Variants in SEPTIN9 observed in about 807,000 individuals in gnomAD.
SEPTIN9 encodes the protein septin-9.
A neutral mutation model predicts 56.6 loss-of-function variants in SEPTIN9; 13 were observed. That is an observed-to-expected ratio of 0.23 (90% CI 0.15 to 0.37). The LOEUF is 0.37. Among genes scored for constraint, SEPTIN9 ranks in the 10% least tolerant of loss-of-function variants. SEPTIN9 has a pLI of 1.00. For synonymous variants in SEPTIN9, 332 were observed against 334.1 expected (o/e 0.99, Z 0.07); for missense variants, 650 against 823.1 (o/e 0.79, Z 2.57).
At chr17:77,442,541 C>G (rs958756249) in intron 3 of SEPTIN9, among the ~76,000 whole-genome samples, 7 of 150,306 alleles carry the variant, frequency 4.7e-5, no homozygotes, top group Non-Finnish European at 8.9e-5. Context: ...ACTTAGGGCC[C>G]GTATACTATC....
chr17:77,431,854 A>G (rs1466115596), intron 3 of SEPTIN9, among the ~76,000 whole-genome samples: 1 of 150,026 alleles, frequency 6.7e-6, no homozygotes, highest in Admixed American at 6.6e-5. Flanking sequence ...AAAAAAAAAA[A>G]GTTGCCACGT....
intron 2 of SEPTIN9, among the ~76,000 whole-genome samples, chr17:77,334,581 T>G (rs768551092): frequency 6.6e-6 from 1 of 152,122 alleles, no homozygotes; most frequent in East Asian, 1.9e-4. Flanking sequence ...GTATTTTGTT[T>G]TCATAAAGTC....
At chr17:77,305,401 G>A (rs557575055) in intron 1 of SEPTIN9, among the ~76,000 whole-genome samples, 6 of 152,194 alleles carry the variant, frequency 3.9e-5, no homozygotes, top group African/African-American at 1.4e-4. Context: ...ACAGCCTGCC[G>A]TCAGACCCTC....
chr17:77,307,164 C>A lies in SEPTIN9; in HGVS notation c.43C>A (p.Arg15=). 6.2e-7 allele frequency: 1 copy of A among 1,613,914 alleles called. No individual in the cohort carries two copies. Among genetic ancestry groups the A allele is most frequent in the Non-Finnish European group, 8.5e-7 (1 of 1,179,862 alleles). Residue 15 remains arginine (R), a synonymous_variant, in exon 2 of 12, where the codon CGG becomes AGG. Transcript: ENST00000427177. The part of the protein sequence containing the change: ...YSGGTRTSSG[R]LRRLGDSSGP... ...AGGAGGCACGCGGACCTCCAGTGGC[C>A]GGCTCCGGAGGCTTGGTGACTCCAG...
At chr17:77,486,743 C>G (rs541656509) in intron 4 of SEPTIN9, among the ~76,000 whole-genome samples, 1 of 152,236 alleles carries the variant, frequency 6.6e-6, no homozygotes, top group Admixed American at 6.5e-5. Context: ...TCTCAGTCAC[C>G]TGTGGACTGG....
rs1197204930 is a variant in SEPTIN9 at position 77,406,176 on chromosome 17, T to C, written c.721+3473T>C. ...TCTTCCCGTGCTGAGCCTTCTCTGC[T>C]CACTCACCATAGGCCCCTCCACGGT... On this transcript the variant is annotated intron_variant, in intron 3 of 11. Coordinates refer to ENST00000427177, the MANE Select transcript of SEPTIN9 (RefSeq NM_001113491.2). 2.0e-5 allele frequency among the ~76,000 whole-genome samples: 3 copies of C among 152,244 alleles called. No individual in the cohort carries two copies. The East Asian group carries it at 5.8e-4, about 29-fold the overall frequency.
intron 1 of SEPTIN9, among the ~76,000 whole-genome samples, chr17:77,293,424 A>C (rs1233728124): frequency 1.3e-5 from 2 of 152,172 alleles, no homozygotes; most frequent in Non-Finnish European, 2.9e-5. Flanking sequence ...GGCCTCCCAA[A>C]GTGCTGGGAT....
At chr17:77,337,193 C>T (rs2033583487) in intron 2 of SEPTIN9, among the ~76,000 whole-genome samples, 1 of 151,822 alleles carries the variant, frequency 6.6e-6, no homozygotes, top group South Asian at 2.1e-4. Flanking sequence ...ATTTTTTGTA[C>T]AGATGGGGTC....
intron 1 of SEPTIN9, among the ~76,000 whole-genome samples, chr17:77,306,037 GTGGATGGGTGGA>G: frequency 6.7e-6 from 1 of 148,702 alleles, no homozygotes; most frequent in Non-Finnish European, 1.5e-5. Flanking sequence ...GGTGGGTTGG[GTGGATGGGTGGA>G]TGGATGTGTG....
intron 1 of SEPTIN9, among the ~76,000 whole-genome samples, chr17:77,300,147 G>A (rs1456021040): frequency 6.6e-6 from 1 of 152,116 alleles, no homozygotes; most frequent in African/African-American, 2.4e-5. Flanking sequence ...ACCCAGGTTG[G>A]AGTGCAGTGG....
rs2039482775 is a variant in SEPTIN9, at chr17:77,482,186, C to A, written c.764C>A (p.Thr255Asn). ...AGCTGCGTTGGCGACATGGCCGACACCCCCAGAGATGCCGGGCTCAAGCAG... is the reference window on the plus strand; with the variant it reads ...AGCTGCGTTGGCGACATGGCCGACAACCCCAGAGATGCCGGGCTCAAGCAG... ...APSCVGDMAD[T>N]PRDAGLKQAP... Residue 255 changes from threonine (T) to asparagine (N), a missense_variant, in exon 4 of 12, where the codon ACC becomes AAC. By Grantham distance (65) the Thr-to-Asn change is moderately conservative. Around this residue, in one of 2 missense-constraint regions of SEPTIN9, gnomAD observed 333 missense variants for 494.0 expected, o/e 0.67. Transcript: ENST00000427177. 1.2e-6 allele frequency: 2 copies of A among 1,606,920 alleles called. No homozygotes were observed. The highest frequency in any genetic ancestry group is 2.7e-5 in the African/African-American group (2 of 74,834).
In SEPTIN9 at chr17:77,326,113, G is replaced by C. The variant is rs2033130510; in HGVS notation, c.76+18916G>C. Among the ~76,000 whole-genome samples the C allele has an allele frequency of 6.6e-6, 1 of 151,512 alleles. No individual in the cohort carries two copies. Among genetic ancestry groups the C allele is most frequent in the South Asian group, 2.1e-4 (1 of 4,802 alleles). ...CCCCGCCTCCTACCCCTTCTTCCAA[G>C]GGGTCATCTCTGCTTCCCTCCCCAC... On this transcript the variant is annotated intron_variant, in intron 2 of 11. Coordinates refer to ENST00000427177, the MANE Select transcript of SEPTIN9 (RefSeq NM_001113491.2). The surrounding 1 kb of genome is among the most constrained non-coding windows in gnomAD (Gnocchi z 5.1).
In SEPTIN9 at chr17:77,405,178, C is replaced by T. The variant is rs1028748026; in HGVS notation, c.721+2475C>T. On this transcript the variant is annotated intron_variant, in intron 3 of 11. Coordinates refer to ENST00000427177, the MANE Select transcript of SEPTIN9 (RefSeq NM_001113491.2). The surrounding 1 kb of genome is among the most constrained non-coding windows in gnomAD (Gnocchi z 5.8). ...CCATGGGGATGTACAAGAACATTCT[C>T]CTCCAGGGGCAGACACAGTTTAGCC... 9 of 1,495,406 alleles carry T rather than the reference C, an allele frequency of 6.0e-6. No individual in the cohort carries two copies. The Admixed American group carries it at 1.4e-4, about 23-fold the overall frequency. 92.6% of individuals were successfully genotyped at this position (1,495,406 alleles called of 1,614,324 possible). A position where few individuals can be genotyped will look rare whatever the true frequency, so the allele number is the denominator to read the frequency against.
At chr17:77,496,953 C>T (rs989941115) in intron 10 of SEPTIN9, 2 of 334,292 alleles carry the variant, frequency 6.0e-6, no homozygotes, top group African/African-American at 4.2e-5. Context: ...CCTGCTCTCC[C>T]TGGTCACCCC....
chr17:77,331,606 C>T (rs2033363119), intron 2 of SEPTIN9, among the ~76,000 whole-genome samples: 1 of 152,172 alleles, frequency 6.6e-6, no homozygotes, highest in Admixed American at 6.6e-5. Context: ...CGCAAGCTCT[C>T]GAGAGTCCAG....
intron 1 of SEPTIN9, among the ~76,000 whole-genome samples, chr17:77,306,774 A>C (rs1278378605): frequency 6.6e-6 from 1 of 152,264 alleles, no homozygotes; most frequent in African/African-American, 2.4e-5. Flanking sequence ...GGTGCAGCCC[A>C]GCTTGGAGTC....
intron 3 of SEPTIN9, among the ~76,000 whole-genome samples, chr17:77,423,973 G>A (rs985114393): frequency 1.3e-5 from 2 of 148,888 alleles, no homozygotes; most frequent in South Asian, 2.1e-4. Flanking sequence ...AGGGCATGTC[G>A]CTGGGAGCCT....
chr17:77,414,269 G>A (rs1300245623), intron 3 of SEPTIN9, among the ~76,000 whole-genome samples: 1 of 151,766 alleles, frequency 6.6e-6, no homozygotes. Flanking sequence ...GTAGAGACGG[G>A]GTTTCTCCAT....
intron 2 of SEPTIN9, among the ~76,000 whole-genome samples, chr17:77,328,006 CGTGCCTAGTGTGTCCCT>C (rs976486290): frequency 2.0e-5 from 3 of 151,600 alleles, no homozygotes; most frequent in Non-Finnish European, 4.4e-5. Flanking sequence ...AGGGTGTCCC[CGTGCCTAGTGTGTCCCT>C]GTATCCAGGG....
Sources: gnomAD v4.1 joint callset for allele counts (sites outside exome capture counted in the v4.1 genomes callset) on GRCh38, gnomAD v4.1.1 for gene constraint, gnomAD v4.1.1 regional missense constraint, Gnocchi (gnomAD v3.1) non-coding constraint, MANE v1.5 for transcripts, NCBI Gene and HGNC (gene_info 2026-07-23, HGNC 2026-07-21) for gene names.